The following KLF12 variants were observed in gnomAD, a reference collection of about 807,000 sequenced individuals.
The protein encoded by KLF12 is Krueppel-like factor 12.
KLF12 carries 9 observed loss-of-function variants against 37.8 expected under a neutral mutation model. That is an observed-to-expected ratio of 0.24 (90% CI 0.14 to 0.42). The LOEUF is 0.42. KLF12 is among the 10% of genes least tolerant of loss of function. KLF12 has a pLI of 1.00. For synonymous variants in KLF12, 208 were observed against 202.1 expected (o/e 1.03, Z -0.25); for missense variants, 411 against 516.0 (o/e 0.80, Z 1.97).
Position 73,688,406 on chromosome 13 carries a change from A to T in KLF12, c.*7084T>A, listed in dbSNP as rs1201402981. On this transcript the variant is annotated 3_prime_UTR_variant, in exon 8 of 8. Coordinates refer to ENST00000377669, the MANE Select transcript of KLF12 (RefSeq NM_007249.5). ...ATCATCATCTGAACGTTTGATTGCCACCCCATTACCAACTGCAAGAGTGGG... is the reference window on the plus strand; with the variant it reads ...ATCATCATCTGAACGTTTGATTGCCTCCCCATTACCAACTGCAAGAGTGGG... The T allele has an allele frequency of 1.3e-5, 2 of 152,176 alleles. No homozygotes were observed. The highest frequency in any genetic ancestry group is 4.8e-5 in the African/African-American group (2 of 41,452). The allele number at this position is 152,176 out of a possible 1,614,324, so 9.4% of individuals were successfully genotyped here.
At chr13:74,264,888 AT>A in the KLF12 span, among the ~76,000 whole-genome samples, 859 of 151,330 alleles carry the variant, frequency 5.7e-3, 5 homozygotes, top group African/African-American at 0.019. Context: ...AGGTTAGTCT[AT>A]TTTTTTTTCA....
chr13:74,231,563 C>T, the KLF12 span: 3 of 152,146 alleles, frequency 2.0e-5, no homozygotes, highest in Admixed American at 2.0e-4. Context: ...TGTCATGTTT[C>T]ATATACAAGT....
chr13:74,134,401 G>A (rs925320020), upstream of KLF12, among the ~76,000 whole-genome samples: 18 of 152,094 alleles, frequency 1.2e-4, no homozygotes, highest in Non-Finnish European at 2.5e-4. Context: ...CGGGCTCTGA[G>A]TGTGATGGTT....
intron 1 of KLF12, among the ~76,000 whole-genome samples, chr13:74,019,773 G>C (rs958762497): frequency 2.6e-5 from 4 of 152,142 alleles, no homozygotes; most frequent in Non-Finnish European, 5.9e-5. Flanking sequence ...AAACTGCATT[G>C]AAGCCCCCTG....
chr13:73,998,048 T>A (rs568968747), intron 1 of KLF12, among the ~76,000 whole-genome samples: 3 of 152,192 alleles, frequency 2.0e-5, no homozygotes, highest in Non-Finnish European at 4.4e-5. Context: ...TTTCTCTTTT[T>A]CTGTCTTGAA....
chr13:73,912,713 C>T (rs1429914361), intron 3 of KLF12, among the ~76,000 whole-genome samples: 2 of 152,200 alleles, frequency 1.3e-5, no homozygotes, highest in African/African-American at 2.4e-5. Flanking sequence ...TAAGACACCA[C>T]GTTTGTGGTC....
the KLF12 span, among the ~76,000 whole-genome samples, chr13:74,204,370 G>A: frequency 6.6e-6 from 1 of 151,970 alleles, no homozygotes; most frequent in Non-Finnish European, 1.5e-5. Context: ...GGAAAGTTTG[G>A]GCTTTTGATG....
rs183907760 is a variant in KLF12 at position 74,069,783 on chromosome 13, G to A, written c.-32+63956C>T. 1.0e-3 allele frequency among the ~76,000 whole-genome samples: 153 copies of A among 152,242 alleles called. 1 individual carries two copies. Among genetic ancestry groups the A allele is most frequent in the Non-Finnish European group, 8.5e-4 (58 of 68,006 alleles). ...ATATCAGCATGACTTGGTGACTCATGAGACGTGAAAAGAGTGAAGGATAAT... is the reference window on the plus strand; with the variant it reads ...ATATCAGCATGACTTGGTGACTCATAAGACGTGAAAAGAGTGAAGGATAAT... On this transcript the variant is annotated intron_variant, in intron 1 of 7. Coordinates refer to ENST00000377669, the MANE Select transcript of KLF12 (RefSeq NM_007249.5).
At chr13:74,157,941 C>T in the KLF12 span, among the ~76,000 whole-genome samples, 1 of 152,210 alleles carries the variant, frequency 6.6e-6, no homozygotes, top group African/African-American at 2.4e-5. Context: ...ATCTCTCCTC[C>T]TCAGTCTTGT....
At chr13:73,883,547 C>T (rs908897519) in intron 3 of KLF12, among the ~76,000 whole-genome samples, 2 of 152,158 alleles carry the variant, frequency 1.3e-5, no homozygotes, top group African/African-American at 2.4e-5. Context: ...TACTGCTGAC[C>T]TGAACCTGAT....
chr13:74,229,909 G>T, the KLF12 span, among the ~76,000 whole-genome samples: 3 of 152,128 alleles, frequency 2.0e-5, no homozygotes, highest in African/African-American at 7.2e-5. Flanking sequence ...TGTTTCCTTG[G>T]CTCTTCAAAG....
chr13:74,114,532 C>T (rs1877172715), intron 1 of KLF12, among the ~76,000 whole-genome samples: 1 of 152,070 alleles, frequency 6.6e-6, no homozygotes, highest in African/African-American at 2.4e-5. Context: ...ATGTGGGTCA[C>T]TGACATCATA....
At chr13:74,220,548 A>G in the KLF12 span, among the ~76,000 whole-genome samples, 1 of 152,190 alleles carries the variant, frequency 6.6e-6, no homozygotes. Context: ...CTTGAAATCT[A>G]CTCTTTTTAG....
chr13:73,946,068 A>ACT (rs1890410550), intron 2 of KLF12, among the ~76,000 whole-genome samples: 1 of 151,962 alleles, frequency 6.6e-6, no homozygotes, highest in Non-Finnish European at 1.5e-5. Flanking sequence ...CCAGCCCTCG[A>ACT]CTCTCCGGAG....
At chr13:73,976,152 GT>G (rs34517205) in intron 2 of KLF12, among the ~76,000 whole-genome samples, 13 of 143,492 alleles carry the variant, frequency 9.1e-5, no homozygotes, top group Admixed American at 3.4e-4. Context: ...TTGTTTTGGG[GT>G]TTTTTTTTTC....
chr13:73,704,415 T>C (rs905120493), intron 7 of KLF12, among the ~76,000 whole-genome samples: 4 of 152,194 alleles, frequency 2.6e-5, no homozygotes, highest in Non-Finnish European at 5.9e-5. Flanking sequence ...ATGTCTCCAG[T>C]TGGAGAGATT....
At chr13:73,861,830 G>C (rs1008463562) in intron 3 of KLF12, among the ~76,000 whole-genome samples, 1 of 152,086 alleles carries the variant, frequency 6.6e-6, no homozygotes, top group African/African-American at 2.4e-5. Context: ...GAATGCTGAT[G>C]GGCATGTGTG....
the KLF12 span, among the ~76,000 whole-genome samples, chr13:74,280,615 C>T: frequency 1.3e-5 from 2 of 152,148 alleles, no homozygotes; most frequent in African/African-American, 4.8e-5. Flanking sequence ...TGGTCACATT[C>T]TCTAGTTTTC....
At chr13:74,192,024 C>T in the KLF12 span, among the ~76,000 whole-genome samples, 1 of 152,010 alleles carries the variant, frequency 6.6e-6, no homozygotes, top group Non-Finnish European at 1.5e-5. Flanking sequence ...AGGTTTATGG[C>T]TCATACCTCA....
Sources: allele counts gnomAD v4.1 joint callset (sites outside exome capture counted in the v4.1 genomes callset), GRCh38; gene constraint gnomAD v4.1.1; transcripts MANE v1.5; gene names NCBI Gene and HGNC (gene_info 2026-07-23, HGNC 2026-07-21).